ZP4: variants seen among roughly 807,000 people sequenced by gnomAD.
The protein encoded by ZP4 is zona pellucida glycoprotein 4.
In ZP4, 62 loss-of-function variants were observed where a neutral mutation model predicts 62.3. The ratio of observed to expected loss-of-function variants is 0.99; its 90% CI spans 0.81 to 1.23. The LOEUF is 1.23. Among genes scored for constraint, ZP4 ranks in the 50% most tolerant of loss-of-function variants. The pLI is 0.00. For synonymous variants in ZP4, 289 were observed against 247.3 expected, an observed-to-expected ratio of 1.17 and a Z score of -1.58; for missense variants, 774 against 656.0, an observed-to-expected ratio of 1.18 and a Z score of -1.97.
In ZP4 at chr1:237,888,477, G is replaced by A. The variant is rs373362580; in HGVS notation, c.434C>T (p.Ser145Phe). Residue 145 changes from serine to phenylalanine, a missense_variant, in exon 4 of 12, where the codon TCC becomes TTC. By Grantham distance (155) the Ser-to-Phe change is radical. Coordinates refer to ENST00000366570, the MANE Select transcript of ZP4 (RefSeq NM_021186.5). Reference protein sequence around the residue: ...RDAPDTDWCDSIPARDRLPCA... With the variant: ...RDAPDTDWCDFIPARDRLPCA... ...TGGCAGTCTGTCCCGTGCTGGGATG[G>A]AGTCACACCAGTCAGTATCTGGAGC... The A allele has an allele frequency of 2.5e-6, 4 of 1,609,884 alleles. No individual in the cohort carries two copies. The highest frequency in any genetic ancestry group is 1.7e-5 in the Admixed American group (1 of 59,816).
chr1:237,890,624 C>T lies in ZP4; in HGVS notation c.12G>A (p.Leu4=). MWL[L]RCVLLCVSLS... ...ATGAAACACACAGCAAAACGCACCG[C>T]AGCAGCCACATAATGCTACCAGGAG... Residue 4 remains leucine (L), a synonymous_variant, in exon 1 of 12, where the codon CTG becomes CTA. Transcript: ENST00000366570. 1 of 1,613,000 alleles carries T rather than the reference C, an allele frequency of 6.2e-7. No individual in the cohort carries two copies.
intron 9 of ZP4, 22 bp downstream of exon 9, chr1:237,885,143 G>A (rs752910899): frequency 6.2e-7 from 1 of 1,610,214 alleles, no homozygotes; most frequent in South Asian, 1.1e-5. Flanking sequence ...CCTGGTGAGT[G>A]TCATGGAAGG....
At chr1:237,887,270 G>T in intron 5 of ZP4, 104 bp downstream of exon 5, 1 of 1,348,970 alleles carries the variant, frequency 7.4e-7, no homozygotes, top group Non-Finnish European at 1.0e-6. Flanking sequence ...CCAAGTAGTA[G>T]TCACAAGTAT....
rs753929357 is a variant in ZP4 at position 237,890,632 on chromosome 1, A to G, written c.4T>C (p.Trp2Arg). The change falls in exon 1 of 12, where the codon TGG becomes CGG. Residue 2 changes from tryptophan (W) to arginine (R), a missense_variant. Coordinates refer to ENST00000366570, the MANE Select transcript of ZP4 (RefSeq NM_021186.5). ...CACAGCAAAACGCACCGCAGCAGCC[A>G]CATAATGCTACCAGGAGTTCCTGCC... MWLLRCVLLCVS... is the reference protein window; with the variant it reads MRLLRCVLLCVS... 2.5e-6 allele frequency: 4 copies of G among 1,612,208 alleles called. No individual in the cohort carries two copies. The highest frequency in any genetic ancestry group is 8.5e-7 in the Non-Finnish European group (1 of 1,179,236).
chr1:237,882,942 G>T, intron 10 of ZP4, 96 bp from the exon 11 acceptor site: 1 of 1,033,736 alleles, frequency 9.7e-7, no homozygotes, highest in Non-Finnish European at 1.4e-6. Flanking sequence ...TCTCTATAAA[G>T]CTTGGTTCTA....
chr1:237,884,001 C>CACACACACAA (rs1665020421), intron 10 of ZP4, among the ~76,000 whole-genome samples: 24 of 85,368 alleles, frequency 2.8e-4, no homozygotes, highest in African/African-American at 9.1e-4. Flanking sequence ...CACACACACA[C>CACACACACAA]ACACACACAC....
At chr1:237,890,229 GA>G in intron 1 of ZP4, 53 bp from the exon 2 acceptor site, 1 of 1,611,124 alleles carries the variant, frequency 6.2e-7, no homozygotes, top group East Asian at 2.2e-5. Flanking sequence ...TCCAGTGCCA[GA>G]AAGGATAGTC....
rs1665134934 is a variant in ZP4 at position 237,887,546 on chromosome 1, G to T, written c.569C>A (p.Thr190Asn). ...YYGNTVTLHCTREGHFSIAVS... is the reference protein window; with the variant it reads ...YYGNTVTLHCNREGHFSIAVS... ...AGCAATAGAGAAATGGCCCTCTCGG[G>T]TACAATGCAAGGTCACTGAAACAGA... The change falls in exon 5 of 12, where the codon ACC becomes AAC. Residue 190 changes from threonine (T) to asparagine (N), a missense_variant. Thr to Asn is a moderately conservative substitution (Grantham distance 65, BLOSUM62 0). Transcript: ENST00000366570. 6.2e-7 allele frequency: 1 copy of T among 1,613,968 alleles called. No individual in the cohort carries two copies. The highest frequency in any genetic ancestry group is 8.5e-7 in the Non-Finnish European group (1 of 1,179,932).
At chr1:237,887,347 A>C in intron 5 of ZP4, 27 bp downstream of exon 5, 1 of 1,606,840 alleles carries the variant, frequency 6.2e-7, no homozygotes. Context: ...CAACTTCCAG[A>C]GCCAGGAACA....
At chr1:237,886,300 G>A (rs536741717) in intron 6 of ZP4, among the ~76,000 whole-genome samples, 1 of 152,304 alleles carries the variant, frequency 6.6e-6, no homozygotes, top group South Asian at 2.1e-4. Flanking sequence ...GGAATAGTGA[G>A]TAAGGGACTG....
At chr1:237,886,698 T>G in intron 6 of ZP4, 73 bp downstream of exon 6, 2 of 1,277,354 alleles carry the variant, frequency 1.6e-6, no homozygotes, top group South Asian at 1.3e-5. Flanking sequence ...GGAATGCTCA[T>G]TTGTGGATTC....
At chr1:237,889,839 C>CA in intron 3 of ZP4, 28 bp downstream of exon 3, 1 of 1,583,332 alleles carries the variant, frequency 6.3e-7, no homozygotes, top group South Asian at 1.1e-5. Context: ...ACCACCCCCA[C>CA]AAGACCCTGA....
chr1:237,887,101 C>T (rs1001581428), intron 5 of ZP4, among the ~76,000 whole-genome samples: 2 of 152,164 alleles, frequency 1.3e-5, no homozygotes, highest in Non-Finnish European at 2.9e-5. Context: ...TGAAGCACTA[C>T]CAATTCCAGT....
intron 4 of ZP4, 91 bp from the exon 5 acceptor site, chr1:237,887,652 C>T: frequency 7.4e-7 from 1 of 1,359,340 alleles, no homozygotes. Context: ...ACTTTTAATC[C>T]CACTGAGAAG....
At position 237,889,903 on chromosome 1, in the gene ZP4, C is replaced by A. The variant is rs1338700579; in HGVS notation, c.364G>T (p.Glu122Ter). ...ATAGGACACTTGAGCAGCTTCCTCT[C>A]TGTAACCACCTTGTGTTCAGCCGCG... ...AGAAEHKVVT[E>*]RKLLKCPMDL... Residue 122 changes from glutamate (E) to a stop codon, truncating the protein, a stop_gained, in exon 3 of 12, where the codon GAG becomes TAG. Coordinates refer to ENST00000366570, the MANE Select transcript of ZP4 (RefSeq NM_021186.5). LOFTEE classifies it high-confidence loss of function. 1 of 1,613,742 alleles carries A rather than the reference C, an allele frequency of 6.2e-7. No individual in the cohort carries two copies. Among genetic ancestry groups the A allele is most frequent in the Non-Finnish European group, 8.5e-7 (1 of 1,179,938 alleles).
intron 3 of ZP4, 134 bp downstream of exon 3, chr1:237,889,733 G>A (rs1355206605): frequency 6.2e-6 from 5 of 804,600 alleles, no homozygotes; most frequent in Non-Finnish European, 1.1e-5. Context: ...GCCCATGGAG[G>A]TGAGAGTTGG....
rs773413039 is a variant in ZP4 at position 237,882,852 on chromosome 1, A to G, written c.1391-6T>C. The G allele has an allele frequency of 5.6e-6, 9 of 1,611,186 alleles. No individual in the cohort carries two copies. In the Admixed American group the frequency reaches 1.3e-4, roughly 24 times the overall value. ...GTTGTCAAAATTTCTTCTTCCTGTTAGAGAAATGAGACCTAGTAATTCATT... is the reference window on the plus strand; with the variant it reads ...GTTGTCAAAATTTCTTCTTCCTGTTGGAGAAATGAGACCTAGTAATTCATT... On this transcript the variant is annotated splice_region_variant and splice_polypyrimidine_tract_variant and intron_variant, in intron 10 of 11. Transcript: ENST00000366570.
Position 237,890,159 on chromosome 1 carries a change from G to A in ZP4, c.193C>T (p.His65Tyr), listed in dbSNP as rs1665206809. ...CAGTCGGAGTCATTCTGCAGCTCGTGCAGCAGCCCTTGGTTGTCTGGAGGG... is the reference window on the plus strand; with the variant it reads ...CAGTCGGAGTCATTCTGCAGCTCGTACAGCAGCCCTTGGTTGTCTGGAGGG... ...LIAWDNQGLL[H>Y]ELQNDSDCGT... The change falls in exon 2 of 12, where the codon CAC (histidine) becomes TAC (tyrosine). Residue 65 changes from histidine to tyrosine, a missense_variant. Transcript: ENST00000366570. The A allele has an allele frequency of 6.2e-7, 1 of 1,613,894 alleles. No homozygotes were observed. Among genetic ancestry groups the A allele is most frequent in the Non-Finnish European group, 8.5e-7 (1 of 1,180,024 alleles).
intron 10 of ZP4, among the ~76,000 whole-genome samples, 174 bp downstream of exon 10, chr1:237,884,595 G>A (rs1052162380): frequency 3.3e-5 from 5 of 152,200 alleles, no homozygotes; most frequent in Non-Finnish European, 7.4e-5. Flanking sequence ...GCTTGTTTTA[G>A]GAGACATGGG....
Sources: gnomAD v4.1 joint callset for allele counts (sites outside exome capture counted in the v4.1 genomes callset) on GRCh38, gnomAD v4.1.1 for gene constraint, MANE v1.5 for transcripts, NCBI Gene and HGNC (gene_info 2026-07-23, HGNC 2026-07-21) for gene names.